ZNF804B: variants seen among roughly 807,000 people sequenced by gnomAD.
ZNF804B encodes zinc finger protein 804B.
In ZNF804B, 80 loss-of-function variants were observed where a neutral mutation model predicts 101.4. The observed-to-expected ratio is 0.79, with a 90% CI of 0.66 to 0.95. The LOEUF (loss-of-function observed/expected upper bound fraction) is 0.95, where lower values mean the gene tolerates loss of function less well. Ranked by LOEUF, ZNF804B falls within the 40% of genes least tolerant of loss-of-function variation. The probability of loss-of-function intolerance (pLI) is 0.00; values close to 1 mark genes in which losing one functional copy is unlikely to be tolerated. For synonymous variants in ZNF804B, 622 were observed against 558.8 expected, an observed-to-expected ratio of 1.11 and a Z score of -1.59; for missense variants, 1,673 against 1,561.9, an observed-to-expected ratio of 1.07 and a Z score of -1.20.
At chr7:89,062,500 T>C (rs1225211893) in intron 1 of ZNF804B, among the ~76,000 whole-genome samples, 1 of 152,142 alleles carries the variant, frequency 6.6e-6, no homozygotes, top group Non-Finnish European at 1.5e-5. Context: ...ATTTTGTTAT[T>C]TTTATTTATA....
chr7:89,093,539 T>C (rs972599120), intron 1 of ZNF804B, among the ~76,000 whole-genome samples: 12 of 152,238 alleles, frequency 7.9e-5, no homozygotes, highest in African/African-American at 2.4e-4. Flanking sequence ...GTTTCATGAA[T>C]TGACCACTAT....
Position 89,123,715 on chromosome 7 carries a change from A to ATGAGG in ZNF804B, c.109-94439_109-94438insGAGGT, listed in dbSNP as rs1554367026. Among the ~76,000 whole-genome samples the ATGAGG allele has an allele frequency of 4.1e-3, 28 of 6,818 alleles. 1 individual carries two copies. In the South Asian group the frequency reaches 0.044, roughly 11 times the overall value. 4.5% of individuals were successfully genotyped at this position (6,818 alleles called of 152,430 possible). A position where few individuals can be genotyped will look rare whatever the true frequency, so the allele number is the denominator to read the frequency against. ...TACTATATAATTTACTTAACAGCAT[A>ATGAGG]TAAGTATTAATGTTATTACCCTTTT... On this transcript the variant is annotated intron_variant, in intron 1 of 3. Coordinates refer to ENST00000333190, the MANE Select transcript of ZNF804B (RefSeq NM_181646.5).
At chr7:88,822,234 G>T (rs1417726046) in intron 1 of ZNF804B, among the ~76,000 whole-genome samples, 1 of 152,126 alleles carries the variant, frequency 6.6e-6, no homozygotes, top group Non-Finnish European at 1.5e-5. Context: ...GTTGTATGAA[G>T]AATTTTTTTA....
At chr7:89,301,099 GTTTTTTTTT>G (rs5885673) in intron 2 of ZNF804B, among the ~76,000 whole-genome samples, 6 of 77,684 alleles carry the variant, frequency 7.7e-5, no homozygotes, top group African/African-American at 2.3e-4. Context: ...TTTCAAGCGT[GTTTTTTTTT>G]TTTTTTTTTT....
chr7:89,284,108 A>G (rs1286058767), intron 2 of ZNF804B, among the ~76,000 whole-genome samples: 1 of 152,218 alleles, frequency 6.6e-6, no homozygotes, highest in African/African-American at 2.4e-5. Context: ...ATGTAAACAA[A>G]CACAAAGATG....
intron 2 of ZNF804B, among the ~76,000 whole-genome samples, chr7:89,273,912 T>G (rs940550960): frequency 6.0e-5 from 8 of 134,012 alleles, no homozygotes; most frequent in African/African-American, 2.5e-4. Flanking sequence ...TGTTACACAT[T>G]AATCTCAATA....
intron 1 of ZNF804B, among the ~76,000 whole-genome samples, chr7:89,185,692 C>T (rs569578407): frequency 1.1e-4 from 17 of 152,024 alleles, no homozygotes; most frequent in Middle Eastern, 6.8e-3. Flanking sequence ...GAAAACCTGT[C>T]TTACTAAAAA....
At chr7:89,045,962 C>T (rs1789097573) in intron 1 of ZNF804B, among the ~76,000 whole-genome samples, 1 of 151,964 alleles carries the variant, frequency 6.6e-6, no homozygotes, top group African/African-American at 2.4e-5. Flanking sequence ...GCTCTGTGTC[C>T]CCACCCAAAT....
chr7:88,981,056 T>A (rs1282412159), intron 1 of ZNF804B, among the ~76,000 whole-genome samples: 2 of 152,056 alleles, frequency 1.3e-5, no homozygotes, highest in Admixed American at 6.6e-5. Context: ...TTCCCTCTTC[T>A]TTCCTCAAAT....
intron 1 of ZNF804B, among the ~76,000 whole-genome samples, chr7:88,942,809 C>T (rs1287370797): frequency 6.6e-6 from 1 of 151,784 alleles, no homozygotes; most frequent in African/African-American, 2.4e-5. Context: ...TTCCATTCTC[C>T]TTTAAGTGAT....
chr7:88,989,744 A>G (rs1222676077), intron 1 of ZNF804B, among the ~76,000 whole-genome samples: 3 of 152,148 alleles, frequency 2.0e-5, no homozygotes, highest in African/African-American at 4.8e-5. Context: ...ATGTACCATT[A>G]TAAAAAACTA....
rs185697253 is a variant in ZNF804B at position 89,137,060 on chromosome 7, A to G, written c.109-81095A>G. On this transcript the variant is annotated intron_variant, in intron 1 of 3. Coordinates refer to ENST00000333190, the MANE Select transcript of ZNF804B (RefSeq NM_181646.5). ...CCAGGCACATGGAACTATAAGTCCAATTAAACCTCTTTCTTTCTCAGGTAT... is the reference window on the plus strand; with the variant it reads ...CCAGGCACATGGAACTATAAGTCCAGTTAAACCTCTTTCTTTCTCAGGTAT... Among the ~76,000 whole-genome samples, 186 of 152,144 alleles carry G rather than the reference A, an allele frequency of 1.2e-3. 1 individual carries two copies. The highest frequency in any genetic ancestry group is 4.1e-3 in the African/African-American group (172 of 41,544).
Position 89,335,883 on chromosome 7 carries a change from T to C in ZNF804B, c.2901T>C (p.Leu967=). The C allele has an allele frequency of 3.1e-6, 5 of 1,614,082 alleles. No homozygotes were observed. The highest frequency in any genetic ancestry group is 4.2e-6 in the Non-Finnish European group (5 of 1,179,992). ...APSQVPCTIQ[L]APSGCNRQAL... Reference sequence around the variant, plus strand: ...CGCAAGTCCCATGCACAATTCAACTTGCACCATCAGGCTGTAACAGACAAG... The same window carrying C: ...CGCAAGTCCCATGCACAATTCAACTCGCACCATCAGGCTGTAACAGACAAG... The change falls in exon 4 of 4, where the codon CTT becomes CTC. Residue 967 remains leucine (L), a synonymous_variant. Transcript: ENST00000333190.
chr7:88,831,992 C>T (rs1276811098), intron 1 of ZNF804B, among the ~76,000 whole-genome samples: 4 of 151,598 alleles, frequency 2.6e-5, no homozygotes, highest in East Asian at 3.9e-4. Flanking sequence ...TATGTATACA[C>T]CTGAAGGAAA....
At chr7:88,921,832 T>C (rs1235505632) in intron 1 of ZNF804B, among the ~76,000 whole-genome samples, 4 of 152,088 alleles carry the variant, frequency 2.6e-5, no homozygotes, top group African/African-American at 9.6e-5. Flanking sequence ...CAGGATCTAA[T>C]TTGAAGATAA....
chr7:89,079,098 TG>T (rs1789656740), intron 1 of ZNF804B, among the ~76,000 whole-genome samples: 1 of 152,088 alleles, frequency 6.6e-6, no homozygotes, highest in South Asian at 2.1e-4. Context: ...CCCAGTGATT[TG>T]TCAAGATATG....
chr7:89,113,167 A>G (rs1175835232), intron 1 of ZNF804B, among the ~76,000 whole-genome samples: 1 of 152,232 alleles, frequency 6.6e-6, no homozygotes, highest in Admixed American at 6.5e-5. Context: ...AACAATCCAC[A>G]GCAGATGAGG....
intron 2 of ZNF804B, among the ~76,000 whole-genome samples, chr7:89,228,374 G>A (rs1351114708): frequency 6.6e-6 from 1 of 152,096 alleles, no homozygotes; most frequent in East Asian, 1.9e-4. Flanking sequence ...CCCACATCCT[G>A]CTGATTGGTA....
intron 1 of ZNF804B, among the ~76,000 whole-genome samples, chr7:88,920,905 G>A (rs7790821): frequency 0.27 from 40,319 of 151,756 alleles, 5,493 homozygotes; most frequent in African/African-American, 0.32. Context: ...AAGTATTTGC[G>A]TGCAACCCAT....
Sources: allele counts gnomAD v4.1 joint callset (sites outside exome capture counted in the v4.1 genomes callset), GRCh38; gene constraint gnomAD v4.1.1; transcripts MANE v1.5; gene names NCBI Gene and HGNC (gene_info 2026-07-23, HGNC 2026-07-21).